Variants in TRAPPC8 observed in about 807,000 individuals in gnomAD.
The protein encoded by TRAPPC8 is general sporulation gene 1 homolog.
Under a neutral mutation model 174.3 loss-of-function variants are expected in TRAPPC8, and 54 were observed. The ratio of observed to expected loss-of-function variants is 0.31; its 90% CI spans 0.25 to 0.39. TRAPPC8 has a LOEUF of 0.39. TRAPPC8 is among the 10% of genes least tolerant of loss of function. TRAPPC8 has a pLI of 1.00. For synonymous variants in TRAPPC8, 630 were observed against 579.9 expected (o/e 1.09, Z -1.24); for missense variants, 1,531 against 1,699.1 (o/e 0.90, Z 1.74).
rs372590694 is a variant in TRAPPC8 at position 31,899,846 on chromosome 18, C to T, written c.1490+1079G>A. On this transcript the variant is annotated intron_variant, in intron 10 of 28. Coordinates refer to ENST00000283351, the MANE Select transcript of TRAPPC8 (RefSeq NM_014939.5). Reference sequence around the variant, plus strand: ...CTGTAATCCCACCTACTTGGGAGGCCGAGACAGGAGAATCACTTGAACCTA... The same window carrying T: ...CTGTAATCCCACCTACTTGGGAGGCTGAGACAGGAGAATCACTTGAACCTA... Among the ~76,000 whole-genome samples, 23 of 151,710 alleles carry T rather than the reference C, an allele frequency of 1.5e-4. No homozygotes were observed. The East Asian group carries it at 3.3e-3, about 22-fold the overall frequency.
intron 17 of TRAPPC8, 36 bp from the exon 18 acceptor site, chr18:31,867,011 C>A: frequency 6.2e-7 from 1 of 1,606,510 alleles, no homozygotes; most frequent in South Asian, 1.1e-5. Flanking sequence ...ATTATGTTTT[C>A]ATAATATCTT....
chr18:31,850,780 A>T (rs77463241), intron 24 of TRAPPC8, among the ~76,000 whole-genome samples: 9,292 of 152,290 alleles, frequency 0.061, 298 homozygotes, highest in Middle Eastern at 0.11. Flanking sequence ...CAGGTTCATC[A>T]AAATGAAAAA....
chr18:31,937,939 G>T (rs2038175334), intron 1 of TRAPPC8, among the ~76,000 whole-genome samples: 6 of 152,030 alleles, frequency 3.9e-5, no homozygotes, highest in Admixed American at 3.9e-4. Context: ...CTGACCTCAG[G>T]TTATCATCCA....
At chr18:31,907,828 C>T (rs140182012) in intron 8 of TRAPPC8, among the ~76,000 whole-genome samples, 116 of 152,220 alleles carry the variant, frequency 7.6e-4, no homozygotes, top group African/African-American at 2.3e-3. Context: ...GTCTGAATGG[C>T]AGGCAAACAT....
Position 31,830,659 on chromosome 18 carries a change from T to C in TRAPPC8, c.*96A>G, listed in dbSNP as rs1446443750. ...GTATTTTGCAGGGATCAGATATCAATCAACCTCCATAACAAGTTAGGTATA... is the reference window on the plus strand; with the variant it reads ...GTATTTTGCAGGGATCAGATATCAACCAACCTCCATAACAAGTTAGGTATA... On this transcript the variant is annotated 3_prime_UTR_variant, in exon 29 of 29. Transcript: ENST00000283351. 6.7e-6 allele frequency: 7 copies of C among 1,043,450 alleles called. No homozygotes were observed. Among genetic ancestry groups the C allele is most frequent in the East Asian group, 5.2e-5 (2 of 38,328 alleles). The allele number at this position is 1,043,450 out of a possible 1,614,324, so 64.6% of individuals were successfully genotyped here.
At position 31,874,176 on chromosome 18, in the gene TRAPPC8, TGA is replaced by T. The variant is rs2035028214; in HGVS notation, c.1953+302_1953+303del. ...TTAAAACCAACTGTAAAATCAGTTG[TGA>T]GTCTATAAAAGCATGATGAATAAAG... On this transcript the variant is annotated intron_variant, in intron 13 of 28. Coordinates refer to ENST00000283351, the MANE Select transcript of TRAPPC8 (RefSeq NM_014939.5). 3 of 410,206 alleles carry T rather than the reference TGA, an allele frequency of 7.3e-6. No individual in the cohort carries two copies. In the East Asian group the frequency reaches 1.2e-4, roughly 17 times the overall value. The allele number at this position is 410,206 out of a possible 1,614,324, so 25.4% of individuals were successfully genotyped here.
intron 19 of TRAPPC8, among the ~76,000 whole-genome samples, chr18:31,862,788 C>G (rs1268818219): frequency 6.6e-6 from 1 of 151,960 alleles, no homozygotes; most frequent in Non-Finnish European, 1.5e-5. Context: ...AAATAACATC[C>G]AATTAAAAGA....
At position 31,877,952 on chromosome 18, in the gene TRAPPC8, T is replaced by C. The variant is rs527950653; in HGVS notation, c.1729-3248A>G. 1.0e-4 allele frequency among the ~76,000 whole-genome samples: 15 copies of C among 146,990 alleles called. 1 individual carries two copies. In the South Asian group the frequency reaches 3.2e-3, roughly 31 times the overall value. ...AAAAAAAAAAAAAAAAGTGACCCCA[T>C]GCCAACTGGGCTTGCAGGAAGGGCA... On this transcript the variant is annotated intron_variant, in intron 12 of 28. Transcript: ENST00000283351.
intron 18 of TRAPPC8, among the ~76,000 whole-genome samples, chr18:31,865,670 C>G (rs2034551806): frequency 6.6e-6 from 1 of 151,714 alleles, no homozygotes; most frequent in Admixed American, 6.6e-5. Flanking sequence ...CTATATTTTA[C>G]TGACAACCAT....
Position 31,942,677 on chromosome 18 carries a change from G to C in TRAPPC8, c.88C>G (p.Arg30Gly). 6.2e-7 allele frequency: 1 copy of C among 1,609,526 alleles called. No homozygotes were observed. Among genetic ancestry groups the C allele is most frequent in the Middle Eastern group, 1.7e-4 (1 of 6,050 alleles). ...CTGAGGTGATTGAGACGAGTGAGCC[G>C]CTCGGCTTCGTCGCTGCACAGCGCA... ...VAALCSDEAERLTRLNHLSFA... is the reference protein window; with the variant it reads ...VAALCSDEAEGLTRLNHLSFA... The change falls in exon 1 of 29, where the codon CGG becomes GGG. Residue 30 changes from arginine (R) to glycine (G), a missense_variant. By Grantham distance (125) the Arg-to-Gly change is moderately radical. Transcript: ENST00000283351.
chr18:31,903,806 G>A (rs1242309964), intron 9 of TRAPPC8, among the ~76,000 whole-genome samples: 1 of 151,794 alleles, frequency 6.6e-6, no homozygotes, highest in African/African-American at 2.4e-5. Flanking sequence ...CAGGAGGAGT[G>A]CTTGAGCCCA....
At chr18:31,849,270 C>G (rs2033577578) in intron 25 of TRAPPC8, among the ~76,000 whole-genome samples, 1 of 151,832 alleles carries the variant, frequency 6.6e-6, no homozygotes, top group South Asian at 2.1e-4. Context: ...TGCTATTTTT[C>G]CCTCTGTAGA....
chr18:31,854,050 A>G, intron 21 of TRAPPC8, 105 bp from the exon 22 acceptor site: 1 of 823,686 alleles, frequency 1.2e-6, no homozygotes, highest in Non-Finnish European at 1.9e-6. Context: ...AATGTCAATT[A>G]ACATAAGATG....
At chr18:31,884,842 TA>T (rs1470032117) in intron 12 of TRAPPC8, among the ~76,000 whole-genome samples, 2 of 150,798 alleles carry the variant, frequency 1.3e-5, no homozygotes, top group East Asian at 3.9e-4. Context: ...CTCCATTTCT[TA>T]AAAAAATTAA....
At chr18:31,932,774 G>T (rs1216511597) in intron 1 of TRAPPC8, among the ~76,000 whole-genome samples, 1 of 151,896 alleles carries the variant, frequency 6.6e-6, no homozygotes, top group Non-Finnish European at 1.5e-5. Flanking sequence ...CTGAGGTCAG[G>T]AGTTCGAGAC....
intron 9 of TRAPPC8, 53 bp from the exon 10 acceptor site, chr18:31,901,078 T>C (rs980140591): frequency 2.7e-6 from 4 of 1,462,432 alleles, no homozygotes; most frequent in Admixed American, 2.4e-5. Flanking sequence ...AGTCTTACAG[T>C]TTAGATGGGA....
chr18:31,896,367 T>G (rs768482151), intron 11 of TRAPPC8: 1 of 152,122 alleles, frequency 6.6e-6, no homozygotes, highest in Non-Finnish European at 1.5e-5. Context: ...AGGTTAAAAT[T>G]GTTTTAATTA....
chr18:31,908,248 ACAC>A (rs2036748849), intron 8 of TRAPPC8, 52 bp downstream of exon 8: 1 of 1,068,604 alleles, frequency 9.4e-7, no homozygotes, highest in African/African-American at 1.6e-5. Context: ...ATACAATCAA[ACAC>A]TAGTCAGAGA....
intron 1 of TRAPPC8, among the ~76,000 whole-genome samples, chr18:31,941,482 C>T (rs1275848887): frequency 2.0e-5 from 3 of 151,950 alleles, no homozygotes; most frequent in East Asian, 3.9e-4. Flanking sequence ...AAATAAAAAA[C>T]GTAGGGCATT....
Sources: allele counts gnomAD v4.1 joint callset (sites outside exome capture counted in the v4.1 genomes callset), GRCh38; gene constraint gnomAD v4.1.1; transcripts MANE v1.5; gene names NCBI Gene and HGNC (gene_info 2026-07-23, HGNC 2026-07-21).